TASP1: variants seen among roughly 807,000 people sequenced by gnomAD.
The protein encoded by TASP1 is taspase 1.
Under a neutral mutation model 56.6 loss-of-function variants are expected in TASP1, and 16 were observed. The observed-to-expected ratio is 0.28, with a 90% CI of 0.19 to 0.43. The LOEUF (loss-of-function observed/expected upper bound fraction) is 0.43, where lower values mean the gene tolerates loss of function less well. Among genes scored for constraint, TASP1 ranks in the 20% least tolerant of loss-of-function variants. The pLI, the probability that TASP1 is intolerant of heterozygous loss-of-function variation, is 1.00. For synonymous variants in TASP1, 179 were observed against 184.2 expected, an observed-to-expected ratio of 0.97 and a Z score of 0.23; for missense variants, 393 against 511.6, an observed-to-expected ratio of 0.77 and a Z score of 2.24.
chr20:13,563,027 CAT>C (rs1414760565), intron 7 of TASP1, among the ~76,000 whole-genome samples: 7 of 138,368 alleles, frequency 5.1e-5, no homozygotes, highest in South Asian at 2.7e-4. Context: ...TATACACACA[CAT>C]ACATACGCAC....
In TASP1 at chr20:13,559,117, A is replaced by G. The variant is rs2046258964; in HGVS notation, c.569-3T>C. The G allele has an allele frequency of 1.3e-6, 2 of 1,527,510 alleles. No homozygotes were observed. The highest frequency in any genetic ancestry group is 1.4e-5 in the African/African-American group (1 of 71,316). 94.6% of individuals were successfully genotyped at this position (1,527,510 alleles called of 1,614,324 possible). On this transcript the variant is annotated splice_polypyrimidine_tract_variant and splice_region_variant and intron_variant, in intron 7 of 13. Coordinates refer to ENST00000337743, the MANE Select transcript of TASP1 (RefSeq NM_017714.3). The stretch of plus-strand genomic sequence containing the variant: ...TTTAAATGCAGCTAAACTGAATCCT[A>G]TAAAATAAAAATAAAAAACATTAAA...
chr20:13,415,589 T>C (rs150838562), intron 13 of TASP1, among the ~76,000 whole-genome samples: 34 of 152,116 alleles, frequency 2.2e-4, no homozygotes, highest in Admixed American at 5.9e-4. Flanking sequence ...GCTGGCCCAA[T>C]TGACTACCAG....
chr20:13,431,977 G>A (rs929628282), intron 12 of TASP1, among the ~76,000 whole-genome samples: 4 of 152,170 alleles, frequency 2.6e-5, no homozygotes, highest in Admixed American at 6.6e-5. Flanking sequence ...AAGCCTCCAT[G>A]ACTGTAAGAA....
In TASP1 at chr20:13,625,250, C is replaced by A; in HGVS notation, c.148G>T (p.Ala50Ser). The change falls in exon 3 of 14, where the codon GCA (alanine) becomes TCA (serine). Residue 50 changes from alanine (A) to serine (S), a missense_variant and splice_region_variant. By Grantham distance (99) the Ala-to-Ser change is moderately conservative. Coordinates refer to ENST00000337743, the MANE Select transcript of TASP1 (RefSeq NM_017714.3). ...RGGFVLVHAG[A>S]GYHSESKAKE... ...GCTTTGGATTCAGAATGATAACCTG[C>A]ACCTAAAGTAGAAAATAAAATCCAG... The A allele has an allele frequency of 2.5e-6, 4 of 1,605,918 alleles. No individual in the cohort carries two copies. The highest frequency in any genetic ancestry group is 3.4e-6 in the Non-Finnish European group (4 of 1,177,482).
intron 4 of TASP1, among the ~76,000 whole-genome samples, chr20:13,591,979 A>G (rs1188099180): frequency 6.6e-6 from 1 of 152,158 alleles, no homozygotes; most frequent in African/African-American, 2.4e-5. Flanking sequence ...AAAAGTGGAG[A>G]AAAAAATGGT....
At chr20:13,346,772 T>C in the TASP1 span, among the ~76,000 whole-genome samples, 1 of 152,234 alleles carries the variant, frequency 6.6e-6, no homozygotes, top group African/African-American at 2.4e-5. Context: ...TGTTTAGTGG[T>C]TTATGACACA....
At chr20:13,221,730 CGCCGCCG>C in the TASP1 span, 1 of 1,342,380 alleles carries the variant, frequency 7.4e-7, no homozygotes, top group Non-Finnish European at 9.5e-7. Context: ...TCACCGCCGC[CGCCGCCG>C]GCCGCCGCGC....
chr20:13,299,184 T>A, the TASP1 span: 1 of 1,606,870 alleles, frequency 6.2e-7, no homozygotes, highest in Non-Finnish European at 8.5e-7. This position sits in a 1 kb window ranked among gnomAD's most constrained non-coding sequence, Gnocchi z 5.8. Context: ...CTCCATGCTG[T>A]CCCTGGAGAG....
intron 13 of TASP1, among the ~76,000 whole-genome samples, chr20:13,411,741 A>G (rs1419225835): frequency 6.6e-6 from 1 of 151,960 alleles, no homozygotes; most frequent in Non-Finnish European, 1.5e-5. Flanking sequence ...ACCACGGGAG[A>G]CTTCTCTTTG....
chr20:13,395,615 G>A (rs1259140472), intron 13 of TASP1, among the ~76,000 whole-genome samples: 2 of 151,728 alleles, frequency 1.3e-5, no homozygotes, highest in South Asian at 4.2e-4. Flanking sequence ...CTGTGAGACT[G>A]TATTGTGAAC....
chr20:13,334,250 T>C, the TASP1 span, among the ~76,000 whole-genome samples: 1 of 152,174 alleles, frequency 6.6e-6, no homozygotes, highest in East Asian at 1.9e-4. Flanking sequence ...TGGCAATATA[T>C]AGAACAGTGA....
chr20:13,276,601 T>C, the TASP1 span, among the ~76,000 whole-genome samples: 6 of 152,336 alleles, frequency 3.9e-5, no homozygotes, highest in East Asian at 7.7e-4. Context: ...GAAAAAAATA[T>C]ACTAAGACAC....
chr20:13,533,515 CAT>C (rs1325937409), intron 9 of TASP1, among the ~76,000 whole-genome samples: 1 of 152,132 alleles, frequency 6.6e-6, no homozygotes, highest in Non-Finnish European at 1.5e-5. Context: ...TAAGTGGTAT[CAT>C]GTGTTGGTGA....
chr20:13,274,109 C>CCA, the TASP1 span, among the ~76,000 whole-genome samples: 2 of 151,328 alleles, frequency 1.3e-5, no homozygotes, highest in South Asian at 4.2e-4. Context: ...ACAAACACAC[C>CCA]CACACACCAC....
At chr20:13,542,089 A>G (rs190628434) in intron 8 of TASP1, among the ~76,000 whole-genome samples, 1 of 152,202 alleles carries the variant, frequency 6.6e-6, no homozygotes, top group African/African-American at 2.4e-5. Context: ...GTCTTATTGA[A>G]TGTCATCAGA....
the TASP1 span, among the ~76,000 whole-genome samples, chr20:13,198,203 C>T: frequency 6.6e-6 from 1 of 151,920 alleles, no homozygotes; most frequent in Non-Finnish European, 1.5e-5. Context: ...TCACAAAGTA[C>T]CATATAAATA....
At chr20:13,368,303 T>C in the TASP1 span, 1 of 152,204 alleles carries the variant, frequency 6.6e-6, no homozygotes, top group African/African-American at 2.4e-5. Flanking sequence ...TCTTCCTTTA[T>C]TCATCAATTA....
At chr20:13,113,778 T>C in the TASP1 span, among the ~76,000 whole-genome samples, 2 of 152,202 alleles carry the variant, frequency 1.3e-5, no homozygotes, top group African/African-American at 2.4e-5. Context: ...TATTGTCACA[T>C]TGATTTTCAG....
At chr20:13,606,783 G>A (rs577015954) in intron 4 of TASP1, among the ~76,000 whole-genome samples, 17 of 150,548 alleles carry the variant, frequency 1.1e-4, no homozygotes, top group Non-Finnish European at 2.5e-4. Flanking sequence ...CTCCAGCCTG[G>A]GCGACTGAGC....
Sources: gnomAD v4.1 joint callset for allele counts (sites outside exome capture counted in the v4.1 genomes callset) on GRCh38, gnomAD v4.1.1 for gene constraint, Gnocchi (gnomAD v3.1) non-coding constraint, MANE v1.5 for transcripts, NCBI Gene and HGNC (gene_info 2026-07-23, HGNC 2026-07-21) for gene names.